The following TAFA5 variants were observed in gnomAD, a reference collection of about 807,000 sequenced individuals.
TAFA5 encodes the protein chemokine-like protein TAFA-5.
A neutral mutation model predicts 15.3 loss-of-function variants in TAFA5; 6 were observed. That is an observed-to-expected ratio of 0.39 (90% CI 0.21 to 0.77). The LOEUF is 0.77. Among genes scored for constraint, TAFA5 ranks in the 30% least tolerant of loss-of-function variants. The pLI is 0.41. For synonymous variants in TAFA5, 103 were observed against 80.7 expected, an observed-to-expected ratio of 1.28 and a Z score of -1.48; for missense variants, 161 against 193.1, an observed-to-expected ratio of 0.83 and a Z score of 0.98.
Position 48,691,238 on chromosome 22 carries a change from C to T in TAFA5, c.263-16479C>T, listed in dbSNP as rs566514234. 2.0e-5 allele frequency among the ~76,000 whole-genome samples: 3 copies of T among 152,290 alleles called. No homozygotes were observed. In the South Asian group the frequency reaches 6.2e-4, roughly 32 times the overall value. Reference sequence around the variant, plus strand: ...GCAGGGGCCACTTCTGGGCCCCTTCCCTTGTTTGCCAAGTAGGGAGCCGCC... The same window carrying T: ...GCAGGGGCCACTTCTGGGCCCCTTCTCTTGTTTGCCAAGTAGGGAGCCGCC... On this transcript the variant is annotated intron_variant, in intron 2 of 3. Coordinates refer to ENST00000402357, the MANE Select transcript of TAFA5 (RefSeq NM_001082967.3).
chr22:48,738,492 C>T (rs931378158), intron 3 of TAFA5, among the ~76,000 whole-genome samples: 4 of 152,108 alleles, frequency 2.6e-5, no homozygotes, highest in African/African-American at 4.8e-5. Flanking sequence ...AGTCTCATCT[C>T]GCTGCCTCTG....
Position 48,704,548 on chromosome 22 carries a change from G to A in TAFA5, c.263-3169G>A, listed in dbSNP as rs575157586. ...GGGGTTGGTGGACGTGCAGCAGGTG[G>A]CTGGGACCCTCTGAGGGCCTGGGAG... On this transcript the variant is annotated intron_variant, in intron 2 of 3. Transcript: ENST00000402357. Among the ~76,000 whole-genome samples the A allele has an allele frequency of 2.1e-3, 317 of 152,268 alleles. 2 individuals are homozygous for A. In the Middle Eastern group the frequency reaches 0.044, roughly 21 times the overall value.
intron 1 of TAFA5, among the ~76,000 whole-genome samples, chr22:48,528,613 G>A (rs1346631330): frequency 6.6e-6 from 1 of 152,204 alleles, no homozygotes; most frequent in Non-Finnish European, 1.5e-5. Flanking sequence ...CGGGGACTGT[G>A]GTTTGTCAGG....
intron 1 of TAFA5, among the ~76,000 whole-genome samples, chr22:48,570,830 GA>G (rs1450951147): frequency 1.0e-5 from 1 of 100,256 alleles, no homozygotes; most frequent in Non-Finnish European, 2.5e-5. Flanking sequence ...ATAGCAGAAA[GA>G]AGATTTCTGA....
At chr22:48,700,661 G>A (rs571206056) in intron 2 of TAFA5, among the ~76,000 whole-genome samples, 29 of 152,278 alleles carry the variant, frequency 1.9e-4, no homozygotes, top group African/African-American at 7.0e-4. Flanking sequence ...TTGCCTGTGG[G>A]CACCTGTGTG....
chr22:48,662,580 A>G (rs1261672403), intron 2 of TAFA5, among the ~76,000 whole-genome samples: 1 of 152,118 alleles, frequency 6.6e-6, no homozygotes, highest in Non-Finnish European at 1.5e-5. Flanking sequence ...ATGTGCAGCG[A>G]TGCTCTGTGT....
intron 3 of TAFA5, among the ~76,000 whole-genome samples, chr22:48,737,546 G>T (rs1930064543): frequency 6.6e-6 from 1 of 152,226 alleles, no homozygotes; most frequent in African/African-American, 2.4e-5. Flanking sequence ...CTGGGAGAGG[G>T]CACCGCACAC....
At chr22:48,557,030 G>C (rs891516208) in intron 1 of TAFA5, among the ~76,000 whole-genome samples, 7 of 152,196 alleles carry the variant, frequency 4.6e-5, no homozygotes, top group African/African-American at 1.7e-4. Context: ...GTGGTCACCA[G>C]GGGCACCCAC....
chr22:48,663,464 G>C (rs978814071), intron 2 of TAFA5, among the ~76,000 whole-genome samples: 3 of 152,160 alleles, frequency 2.0e-5, no homozygotes, highest in African/African-American at 7.2e-5. Context: ...CGGTGACTTA[G>C]GGCCTTTGCA....
At chr22:48,608,073 A>AGCCAGCCCCTCCCACAGTCCCAGGCT (rs1275366536) in intron 1 of TAFA5, among the ~76,000 whole-genome samples, 10 of 144,534 alleles carry the variant, frequency 6.9e-5, no homozygotes, top group African/African-American at 2.6e-4. Context: ...TGAGGCAGTG[A>AGCCAGCCCCTCCCACAGTCCCAGGCT]GCCAGCCCCT....
chr22:48,689,541 CAA>C (rs1928472695), intron 2 of TAFA5, among the ~76,000 whole-genome samples: 1 of 152,166 alleles, frequency 6.6e-6, no homozygotes, highest in Non-Finnish European at 1.5e-5. Flanking sequence ...TGGGTGGAGA[CAA>C]AGTGGTGACG....
chr22:48,523,297 C>T (rs1051515972), intron 1 of TAFA5, among the ~76,000 whole-genome samples: 3 of 152,364 alleles, frequency 2.0e-5, no homozygotes, highest in Admixed American at 2.0e-4. Context: ...CAGCCTCCAC[C>T]AGGGCCAGTT....
At chr22:48,583,146 A>ACATG in intron 1 of TAFA5, among the ~76,000 whole-genome samples, 1 of 150,634 alleles carries the variant, frequency 6.6e-6, no homozygotes, top group South Asian at 2.1e-4. Context: ...CACACCACAC[A>ACATG]CCACACACAA....
chr22:48,506,907 C>CTGG (rs1322441546), intron 1 of TAFA5, among the ~76,000 whole-genome samples: 1 of 152,206 alleles, frequency 6.6e-6, no homozygotes, highest in African/African-American at 2.4e-5. Flanking sequence ...GGACATGCTG[C>CTGG]TGGATTTCAT....
chr22:48,629,248 T>C (rs1461155888), intron 1 of TAFA5, among the ~76,000 whole-genome samples: 2 of 151,938 alleles, frequency 1.3e-5, no homozygotes, highest in African/African-American at 2.4e-5. Context: ...CTGGGCTGAC[T>C]CTCCCCTGCT....
intron 2 of TAFA5, among the ~76,000 whole-genome samples, chr22:48,649,146 G>C (rs1926968074): frequency 6.6e-6 from 1 of 152,228 alleles, no homozygotes; most frequent in South Asian, 2.1e-4. Context: ...AAGGGAGCAT[G>C]CCTTGCCCAG....
intron 1 of TAFA5, among the ~76,000 whole-genome samples, chr22:48,646,244 G>A (rs1926858345): frequency 6.6e-6 from 1 of 152,222 alleles, no homozygotes; most frequent in Non-Finnish European, 1.5e-5. Context: ...TCCAGCAGGT[G>A]CCTGATTGTG....
intron 1 of TAFA5, among the ~76,000 whole-genome samples, chr22:48,563,815 C>G (rs947904758): frequency 6.6e-6 from 1 of 152,228 alleles, no homozygotes; most frequent in South Asian, 2.1e-4. Flanking sequence ...GCAGCGTCGA[C>G]TCCACCCTAC....
At chr22:48,608,332 C>T (rs1253424449) in intron 1 of TAFA5, among the ~76,000 whole-genome samples, 2 of 152,216 alleles carry the variant, frequency 1.3e-5, no homozygotes, top group African/African-American at 2.4e-5. Context: ...TACCTCCTTC[C>T]AGTCCTTTTT....
Sources: gnomAD v4.1 joint callset for allele counts (sites outside exome capture counted in the v4.1 genomes callset) on GRCh38, gnomAD v4.1.1 for gene constraint, MANE v1.5 for transcripts, NCBI Gene and HGNC (gene_info 2026-07-23, HGNC 2026-07-21) for gene names.